ELAPOR2: variants seen among roughly 807,000 people sequenced by gnomAD.
The protein encoded by ELAPOR2 is endosome-lysosome associated apoptosis and autophagy regulator family member 2, also known as endosome/lysosome-associated apoptosis and autophagy regulator family member 2.
In ELAPOR2, 89 loss-of-function variants were observed where a neutral mutation model predicts 120.7. The ratio of observed to expected loss-of-function variants is 0.74; its 90% CI spans 0.62 to 0.88. The LOEUF is 0.88. Among genes scored for constraint, ELAPOR2 ranks in the 40% least tolerant of loss-of-function variants. The pLI, the probability that ELAPOR2 is intolerant of heterozygous loss-of-function variation, is 0.00. For synonymous variants in ELAPOR2, 444 were observed against 444.9 expected (o/e 1.00, Z 0.03); for missense variants, 1,134 against 1,251.6 (o/e 0.91, Z 1.42).
intron 1 of ELAPOR2, among the ~76,000 whole-genome samples, chr7:87,022,210 C>G (rs1247947961): frequency 6.7e-6 from 1 of 149,212 alleles, no homozygotes; most frequent in East Asian, 2.0e-4. Context: ...GTTATATCTC[C>G]TAATGCTATC....
At chr7:86,940,292 A>G (rs1790749576) in intron 5 of ELAPOR2, among the ~76,000 whole-genome samples, 177 bp from the exon 6 acceptor site, 1 of 151,968 alleles carries the variant, frequency 6.6e-6, no homozygotes, top group Non-Finnish European at 1.5e-5. Context: ...TTCTTAAAAG[A>G]AAAAAAATGG....
intron 1 of ELAPOR2, among the ~76,000 whole-genome samples, chr7:87,004,795 C>T (rs1006835853): frequency 7.2e-5 from 11 of 152,038 alleles, no homozygotes; most frequent in Non-Finnish European, 1.2e-4. Flanking sequence ...AACTGCTATG[C>T]ATAAAAGAGA....
intron 1 of ELAPOR2, among the ~76,000 whole-genome samples, chr7:87,008,750 C>G (rs1793563223): frequency 1.3e-5 from 2 of 152,114 alleles, no homozygotes; most frequent in Admixed American, 6.6e-5. Context: ...CTCCAAGTTT[C>G]TCTCAAATAG....
chr7:86,952,200 T>A (rs770114966), intron 2 of ELAPOR2, among the ~76,000 whole-genome samples: 3 of 152,132 alleles, frequency 2.0e-5, no homozygotes, highest in Non-Finnish European at 2.9e-5. Flanking sequence ...ACAAATAAAT[T>A]TTAGCAAGTA....
intron 2 of ELAPOR2, among the ~76,000 whole-genome samples, chr7:86,961,710 G>A (rs1249850485): frequency 1.3e-5 from 2 of 152,226 alleles, no homozygotes; most frequent in Non-Finnish European, 2.9e-5. Context: ...AGAAGATATG[G>A]ATTGGAACAG....
intron 1 of ELAPOR2, among the ~76,000 whole-genome samples, chr7:86,997,446 GA>G (rs1793162797): frequency 6.6e-6 from 1 of 152,056 alleles, no homozygotes; most frequent in African/African-American, 2.4e-5. Context: ...CAGACCTAAA[GA>G]GCCCCAGGAA....
intron 10 of ELAPOR2, among the ~76,000 whole-genome samples, chr7:86,920,279 G>A (rs1329112566): frequency 6.6e-6 from 1 of 152,168 alleles, no homozygotes; most frequent in Non-Finnish European, 1.5e-5. Flanking sequence ...GCTATCTAAT[G>A]TGGTTGAAAA....
At chr7:86,939,801 A>T (rs1790725140) in intron 6 of ELAPOR2, among the ~76,000 whole-genome samples, 1 of 152,042 alleles carries the variant, frequency 6.6e-6, no homozygotes, top group Non-Finnish European at 1.5e-5. Flanking sequence ...TGCAATGATT[A>T]AATAATTTAG....
rs1362223360 is a variant in ELAPOR2, at chr7:86,926,765, G to A, written c.1241C>T (p.Pro414Leu). The change falls in exon 9 of 22, where the codon CCT becomes CTT. Residue 414 changes from proline to leucine, a missense_variant. Physicochemically the swap from Pro to Leu is moderately conservative, Grantham distance 98. This residue lies in a region of ELAPOR2 where 831 missense variants were observed against 867.6 expected (regional missense o/e 0.96). Coordinates refer to ENST00000450689, the MANE Select transcript of ELAPOR2 (RefSeq NM_001142749.3). ...NNGSSSCHPC[P>L]PGTFSDGTKE... is the part of the protein sequence containing the mutation. ...GGTTCCATCTGAAAATGTTCCAGGA[G>A]GACAGGGATGGCAAGAAGATGATCC... 3.7e-6 allele frequency: 6 copies of A among 1,610,292 alleles called. No individual in the cohort carries two copies. Among genetic ancestry groups the A allele is most frequent in the Non-Finnish European group, 5.1e-6 (6 of 1,178,252 alleles).
At chr7:87,031,446 T>C (rs969176695) in intron 1 of ELAPOR2, among the ~76,000 whole-genome samples, 1 of 152,160 alleles carries the variant, frequency 6.6e-6, no homozygotes, top group African/African-American at 2.4e-5. Context: ...GAGACATGCA[T>C]TCATTAATTG....
At chr7:87,045,982 G>T (rs1234320273) in intron 1 of ELAPOR2, among the ~76,000 whole-genome samples, 1 of 151,784 alleles carries the variant, frequency 6.6e-6, no homozygotes, top group African/African-American at 2.4e-5. Flanking sequence ...AAGAAAAAAA[G>T]GGCATCCAAA....
intron 1 of ELAPOR2, among the ~76,000 whole-genome samples, chr7:87,038,750 A>C (rs1794667156): frequency 6.6e-6 from 1 of 152,154 alleles, no homozygotes; most frequent in Non-Finnish European, 1.5e-5. Context: ...ATGGTAATGG[A>C]AACACAACAT....
At chr7:86,941,276 T>C in intron 5 of ELAPOR2, 1 of 521,302 alleles carries the variant, frequency 1.9e-6, no homozygotes, top group South Asian at 1.4e-5. Context: ...TAAACCGGAG[T>C]TAGATATTAA....
Position 87,051,241 on chromosome 7 carries a change from G to A in ELAPOR2, c.189+8084C>T, listed in dbSNP as rs539972772. ...CAGGAGAAACTGGCAAAAACTGAGA[G>A]AGATTACAATGGATTAAGAGAAAAA... On this transcript the variant is annotated intron_variant, in intron 1 of 21. Coordinates refer to ENST00000450689, the MANE Select transcript of ELAPOR2 (RefSeq NM_001142749.3). Among the ~76,000 whole-genome samples the A allele has an allele frequency of 1.6e-3, 241 of 150,076 alleles. 2 individuals carry two copies. The highest frequency in any genetic ancestry group is 5.6e-3 in the African/African-American group (228 of 41,018).
chr7:86,939,910 T>C (rs1260018555), intron 6 of ELAPOR2, 100 bp downstream of exon 6: 1 of 616,698 alleles, frequency 1.6e-6, no homozygotes, highest in Non-Finnish European at 2.7e-6. Flanking sequence ...TAATTTCTGT[T>C]CTATAAATCT....
chr7:87,047,438 G>T (rs1794986147), intron 1 of ELAPOR2, among the ~76,000 whole-genome samples: 1 of 152,102 alleles, frequency 6.6e-6, no homozygotes, highest in East Asian at 1.9e-4. Context: ...TCTGACAAGG[G>T]ATTACTAACC....
At chr7:86,925,213 G>T (rs1790012672) in intron 10 of ELAPOR2, among the ~76,000 whole-genome samples, 1 of 151,860 alleles carries the variant, frequency 6.6e-6, no homozygotes, top group Non-Finnish European at 1.5e-5. Context: ...CTTTAAAATG[G>T]TAAAGAACAT....
At chr7:86,988,169 A>G (rs1767704) in intron 1 of ELAPOR2, among the ~76,000 whole-genome samples, 57,472 of 151,832 alleles carry the variant, frequency 0.38, 11,727 homozygotes, top group African/African-American at 0.53. Flanking sequence ...GTCACAGGGT[A>G]GGGAATATCA....
intron 2 of ELAPOR2, among the ~76,000 whole-genome samples, chr7:86,949,938 AG>A (rs1162337636): frequency 6.6e-6 from 1 of 152,226 alleles, no homozygotes; most frequent in Admixed American, 6.5e-5. Context: ...CCTTCAAGCC[AG>A]GGAGGCTCTG....
Sources: gnomAD v4.1 joint callset for allele counts (sites outside exome capture counted in the v4.1 genomes callset) on GRCh38, gnomAD v4.1.1 for gene constraint, gnomAD v4.1.1 regional missense constraint, MANE v1.5 for transcripts, NCBI Gene and HGNC (gene_info 2026-07-23, HGNC 2026-07-21) for gene names.